ABCA13: variants seen among roughly 807,000 people sequenced by gnomAD.
ABCA13 encodes ATP-binding cassette sub-family A member 13.
ABCA13 carries 476 observed loss-of-function variants against 478.7 expected under a neutral mutation model. The observed-to-expected ratio is 0.99, with a 90% confidence interval of 0.92 to 1.07. The LOEUF (loss-of-function observed/expected upper bound fraction) is 1.07. Among genes scored for constraint, ABCA13 ranks in the 50% least tolerant of loss-of-function variants. The pLI is 0.00. For synonymous variants in ABCA13, 2,252 were observed against 2,158.9 expected, an observed-to-expected ratio of 1.04 and a Z score of -1.20; for missense variants, 6,060 against 5,910.6, an observed-to-expected ratio of 1.03 and a Z score of -0.83.
chr7:48,451,269 G>A (rs28481588), intron 42 of ABCA13, among the ~76,000 whole-genome samples: 17,652 of 151,970 alleles, frequency 0.12, 1,224 homozygotes, highest in Admixed American at 0.16. Context: ...AAAGTGCTGG[G>A]ATTATAGGTG....
At chr7:48,248,130 C>A in intron 13 of ABCA13, 109 bp from the exon 14 acceptor site, 1 of 842,672 alleles carries the variant, frequency 1.2e-6, no homozygotes, top group Non-Finnish European at 1.8e-6. Flanking sequence ...CTTTGATGTA[C>A]AGTTTGAGTG....
At chr7:48,617,088 A>G (rs542329465) in intron 59 of ABCA13, among the ~76,000 whole-genome samples, 71 of 152,340 alleles carry the variant, frequency 4.7e-4, no homozygotes, top group African/African-American at 1.7e-3. Flanking sequence ...CTATAAACCT[A>G]TAATAAACAA....
chr7:48,456,264 A>G (rs906744195), intron 43 of ABCA13, among the ~76,000 whole-genome samples: 1 of 152,204 alleles, frequency 6.6e-6, no homozygotes, highest in Non-Finnish European at 1.5e-5. Context: ...GCTAATCTCT[A>G]AGAGCCTACT....
In ABCA13 at chr7:48,272,636, A is replaced by G; in HGVS notation, c.2970A>G (p.Gln990=). ...SRGSSLTFLT[Q]ISKHILDIIK... Reference sequence around the variant, plus strand: ...GCTCTTCGTTGACTTTCCTTACACAAATCTCAAAACACATTTTGGATATCA... The same window carrying G: ...GCTCTTCGTTGACTTTCCTTACACAGATCTCAAAACACATTTTGGATATCA... The change falls in exon 17 of 62, where the codon CAA becomes CAG. Residue 990 remains glutamine, a synonymous_variant. Transcript: ENST00000435803. 3 of 1,613,176 alleles carry G rather than the reference A, an allele frequency of 1.9e-6. No individual in the cohort carries two copies. The highest frequency in any genetic ancestry group is 1.1e-5 in the South Asian group (1 of 91,022).
intron 44 of ABCA13, among the ~76,000 whole-genome samples, chr7:48,470,336 G>A (rs1827345661): frequency 6.6e-6 from 1 of 152,082 alleles, no homozygotes; most frequent in African/African-American, 2.4e-5. Flanking sequence ...GAATAAGGGA[G>A]GATTTGGAAG....
intron 7 of ABCA13, 97 bp from the exon 8 acceptor site, chr7:48,233,921 C>T: frequency 2.1e-6 from 3 of 1,411,784 alleles, no homozygotes; most frequent in African/African-American, 2.8e-5. Flanking sequence ...TTTGCTCTTC[C>T]TTTAGAGGTG....
chr7:48,347,370 GTCT>G (rs1268691933), intron 29 of ABCA13, among the ~76,000 whole-genome samples: 1 of 152,174 alleles, frequency 6.6e-6, no homozygotes, highest in Non-Finnish European at 1.5e-5. Context: ...CCAGGATCCT[GTCT>G]TCTTCTCGCA....
intron 35 of ABCA13, 40 bp from the exon 36 acceptor site, chr7:48,387,782 A>G: frequency 6.9e-7 from 1 of 1,458,212 alleles, no homozygotes; most frequent in South Asian, 1.3e-5. Flanking sequence ...CCTTCATCTA[A>G]ATAAAAAATT....
intron 51 of ABCA13, among the ~76,000 whole-genome samples, chr7:48,514,599 T>G (rs1831970777): frequency 6.6e-6 from 1 of 152,232 alleles, no homozygotes; most frequent in Non-Finnish European, 1.5e-5. Flanking sequence ...CAAAAATACT[T>G]GCAATTCTGT....
intron 15 of ABCA13, among the ~76,000 whole-genome samples, chr7:48,265,750 T>G (rs1278661117): frequency 1.3e-5 from 2 of 151,660 alleles, no homozygotes; most frequent in African/African-American, 2.4e-5. Context: ...GTCTTTTATT[T>G]ATTTTATTCA....
At chr7:48,459,294 A>T (rs1826001990) in intron 43 of ABCA13, among the ~76,000 whole-genome samples, 1 of 152,076 alleles carries the variant, frequency 6.6e-6, no homozygotes, top group South Asian at 2.1e-4. Context: ...CCAAGGGATG[A>T]TATTGCCACA....
intron 42 of ABCA13, among the ~76,000 whole-genome samples, chr7:48,445,340 C>A (rs1448249147): frequency 1.3e-5 from 2 of 152,144 alleles, no homozygotes; most frequent in Non-Finnish European, 2.9e-5. Flanking sequence ...TATTTGATCA[C>A]ATTATTCTCA....
At chr7:48,601,980 T>C (rs1276405180) in intron 58 of ABCA13, among the ~76,000 whole-genome samples, 1 of 152,270 alleles carries the variant, frequency 6.6e-6, no homozygotes, top group African/African-American at 2.4e-5. Flanking sequence ...CCAGTGATGA[T>C]GAGCTTTTTT....
chr7:48,262,281 G>T (rs908353069), intron 15 of ABCA13, among the ~76,000 whole-genome samples: 1 of 151,852 alleles, frequency 6.6e-6, no homozygotes, highest in Non-Finnish European at 1.5e-5. Context: ...ACTGACATAG[G>T]AGAGGAGTGG....
chr7:48,356,544 C>A (rs1483597334), intron 31 of ABCA13, among the ~76,000 whole-genome samples: 2 of 151,750 alleles, frequency 1.3e-5, no homozygotes, highest in East Asian at 1.9e-4. Flanking sequence ...GGGAACATGG[C>A]AATTCACCTG....
At chr7:48,409,155 G>A (rs534893629) in intron 39 of ABCA13, among the ~76,000 whole-genome samples, 66 of 152,234 alleles carry the variant, frequency 4.3e-4, no homozygotes, top group Middle Eastern at 3.4e-3. Context: ...TTTACCTTTG[G>A]AACAAGAATC....
chr7:48,609,278 A>T (rs549417765), intron 58 of ABCA13, among the ~76,000 whole-genome samples: 1 of 152,092 alleles, frequency 6.6e-6, no homozygotes, highest in Non-Finnish European at 1.5e-5. Flanking sequence ...TTCTCTTTTA[A>T]ATCCTCCTAT....
chr7:48,580,479 G>A, intron 56 of ABCA13, 105 bp downstream of exon 56: 1 of 1,083,820 alleles, frequency 9.2e-7, no homozygotes, highest in Non-Finnish European at 1.3e-6. Flanking sequence ...AGAAGGAACT[G>A]TAGTATCAGA....
At position 48,478,301 on chromosome 7, in the gene ABCA13, A is replaced by G. The variant is rs141574275; in HGVS notation, c.12976-2735A>G. 4.5e-3 allele frequency among the ~76,000 whole-genome samples: 640 copies of G among 141,896 alleles called. 7 individuals are homozygous for G. Among genetic ancestry groups the G allele is most frequent in the African/African-American group, 0.016 (595 of 38,274 alleles). The allele number at this position is 141,896 out of a possible 152,430, so 93.1% of individuals were successfully genotyped here. Reference sequence around the variant, plus strand: ...ATATCATATATATCATTTTATATATATATATATATAATCACACACACCCAT... The same window carrying G: ...ATATCATATATATCATTTTATATATGTATATATATAATCACACACACCCAT... On this transcript the variant is annotated intron_variant, in intron 45 of 61. Transcript: ENST00000435803.
Sources: allele counts gnomAD v4.1 joint callset (sites outside exome capture counted in the v4.1 genomes callset), GRCh38; gene constraint gnomAD v4.1.1; transcripts MANE v1.5; gene names NCBI Gene and HGNC (gene_info 2026-07-23, HGNC 2026-07-21).